Variants in TBCK observed in about 807,000 individuals in gnomAD.
The protein encoded by TBCK is TBC1 domain containing kinase.
TBCK carries 99 observed loss-of-function variants against 113.4 expected under a neutral mutation model. The observed-to-expected ratio is 0.87, with a 90% CI of 0.74 to 1.03. The LOEUF is 1.03. TBCK is among the 50% of genes least tolerant of loss of function. The pLI is 0.00. For synonymous variants in TBCK, 369 were observed against 370.8 expected (o/e 1.00, Z 0.05); for missense variants, 1,045 against 1,061.3 (o/e 0.98, Z 0.21).
intron 19 of TBCK, among the ~76,000 whole-genome samples, chr4:106,219,364 G>A (rs1383415188): frequency 6.7e-6 from 1 of 148,684 alleles, no homozygotes; most frequent in Non-Finnish European, 1.5e-5. Flanking sequence ...AAAACTTAAA[G>A]TATAATAATA....
At chr4:106,293,499 T>C (rs1423530452) in intron 3 of TBCK, among the ~76,000 whole-genome samples, 2 of 152,092 alleles carry the variant, frequency 1.3e-5, no homozygotes, top group African/African-American at 4.8e-5. Flanking sequence ...ACACAGTAAA[T>C]GTAATGCGCT....
At chr4:106,131,513 T>C (rs1029588150) in intron 23 of TBCK, among the ~76,000 whole-genome samples, 1 of 152,138 alleles carries the variant, frequency 6.6e-6, no homozygotes, top group East Asian at 1.9e-4. Flanking sequence ...CTTGGGAGGC[T>C]GAGGCAGGAG....
intron 9 of TBCK, 28 bp from the exon 10 acceptor site, chr4:106,247,315 G>A: frequency 6.2e-7 from 1 of 1,601,176 alleles, no homozygotes; most frequent in South Asian, 1.1e-5. Context: ...TACAGAGCAT[G>A]AATGAAAGTC....
intron 19 of TBCK, among the ~76,000 whole-genome samples, chr4:106,215,949 T>C (rs1200172768): frequency 6.7e-6 from 1 of 148,478 alleles, no homozygotes; most frequent in Non-Finnish European, 1.5e-5. Context: ...ATTCCAAAAT[T>C]GACCACATAC....
At chr4:106,298,789 A>G (rs1766603328) in intron 2 of TBCK, among the ~76,000 whole-genome samples, 1 of 152,220 alleles carries the variant, frequency 6.6e-6, no homozygotes, top group Admixed American at 6.5e-5. Context: ...GCCTCAAACT[A>G]CAAAATTATG....
At chr4:106,121,162 T>C (rs1744306083) in intron 23 of TBCK, among the ~76,000 whole-genome samples, 1 of 151,234 alleles carries the variant, frequency 6.6e-6, no homozygotes, top group Non-Finnish European at 1.5e-5. Flanking sequence ...AGGCTCAAAA[T>C]AAAAGGATGG....
chr4:106,068,363 C>T (rs1028095389), intron 25 of TBCK, among the ~76,000 whole-genome samples: 2 of 152,076 alleles, frequency 1.3e-5, no homozygotes, highest in Non-Finnish European at 2.9e-5. Flanking sequence ...CAAGTGTTCT[C>T]ATTGTTCAAT....
intron 3 of TBCK, among the ~76,000 whole-genome samples, chr4:106,288,427 T>C (rs979574270): frequency 2.6e-5 from 4 of 152,066 alleles, no homozygotes; most frequent in Admixed American, 2.0e-4. Context: ...ATAATTTACA[T>C]AGGTAAAATG....
At chr4:106,086,738 T>A (rs1204464946) in intron 25 of TBCK, among the ~76,000 whole-genome samples, 1 of 152,160 alleles carries the variant, frequency 6.6e-6, no homozygotes, top group Non-Finnish European at 1.5e-5. Context: ...TCCATCACGA[T>A]CAAGTCAGCT....
chr4:106,086,663 C>A (rs113669487), intron 25 of TBCK, among the ~76,000 whole-genome samples: 4,181 of 152,286 alleles, frequency 0.027, 188 homozygotes, highest in African/African-American at 0.096. Flanking sequence ...CCCTGATGAA[C>A]ATTGATGAGA....
intron 3 of TBCK, among the ~76,000 whole-genome samples, chr4:106,289,650 C>T (rs1397627178): frequency 6.6e-6 from 1 of 151,680 alleles, no homozygotes; most frequent in Non-Finnish European, 1.5e-5. Context: ...TGCCTGTAGT[C>T]CCAGCTGCTC....
At chr4:106,277,813 T>C (rs1488281414) in intron 3 of TBCK, among the ~76,000 whole-genome samples, 1 of 152,214 alleles carries the variant, frequency 6.6e-6, no homozygotes, top group African/African-American at 2.4e-5. Context: ...ACATCAAATG[T>C]AAACTTAAAA....
chr4:106,276,785 C>A (rs1046953659), intron 3 of TBCK, among the ~76,000 whole-genome samples: 1 of 151,894 alleles, frequency 6.6e-6, no homozygotes, highest in Admixed American at 6.6e-5. Context: ...ATCCCAGCTA[C>A]TCAGGAGGCT....
intron 20 of TBCK, among the ~76,000 whole-genome samples, chr4:106,206,084 T>C (rs887506062): frequency 1.3e-5 from 2 of 152,122 alleles, no homozygotes; most frequent in Admixed American, 6.5e-5. Context: ...TAGCTATAAC[T>C]CATGTAAACA....
intron 23 of TBCK, among the ~76,000 whole-genome samples, chr4:106,165,518 T>C (rs1045938948): frequency 4.6e-5 from 7 of 151,786 alleles, no homozygotes; most frequent in Middle Eastern, 3.2e-3. Context: ...GTGATAGTAA[T>C]GAGCTAACAT....
chr4:106,137,025 G>A (rs1444913350), intron 23 of TBCK, among the ~76,000 whole-genome samples: 1 of 140,774 alleles, frequency 7.1e-6, no homozygotes, highest in East Asian at 2.0e-4. Context: ...TATTAACAGT[G>A]ACAGATGGCA....
chr4:106,099,154 T>C (rs965786847), intron 24 of TBCK, among the ~76,000 whole-genome samples: 9 of 152,188 alleles, frequency 5.9e-5, no homozygotes, highest in Non-Finnish European at 8.8e-5. Flanking sequence ...ATAGGTACAG[T>C]GTATAGGTAA....
intron 5 of TBCK, among the ~76,000 whole-genome samples, chr4:106,259,434 G>A (rs867618372): frequency 6.6e-5 from 10 of 151,924 alleles, no homozygotes; most frequent in Middle Eastern, 6.8e-3. Context: ...GAAAAAATAT[G>A]ATTAATGTCT....
chr4:106,316,436 A>C, upstream of TBCK: 1 of 1,086,730 alleles, frequency 9.2e-7, no homozygotes, highest in Non-Finnish European at 1.4e-6. Flanking sequence ...GACTGAGCAC[A>C]GGAAGAGGAA....
Sources: gnomAD v4.1 joint callset for allele counts (sites outside exome capture counted in the v4.1 genomes callset) on GRCh38, gnomAD v4.1.1 for gene constraint, MANE v1.5 for transcripts, NCBI Gene and HGNC (gene_info 2026-07-23, HGNC 2026-07-21) for gene names.